The following LMTK2 variants were observed in gnomAD, a reference collection of about 807,000 sequenced individuals.
LMTK2 encodes serine/threonine-protein kinase LMTK2.
In LMTK2, 37 loss-of-function variants were observed where a neutral mutation model predicts 127.5. The ratio of observed to expected loss-of-function variants is 0.29; its 90% confidence interval spans 0.22 to 0.38. The LOEUF (loss-of-function observed/expected upper bound fraction) is 0.38, where lower values mean the gene tolerates loss of function less well. LMTK2 is among the 10% of genes least tolerant of loss of function. The pLI is 1.00. For synonymous variants in LMTK2, 819 were observed against 810.1 expected, an observed-to-expected ratio of 1.01 and a Z score of -0.19; for missense variants, 1,694 against 1,920.3, an observed-to-expected ratio of 0.88 and a Z score of 2.20.
chr7:98,176,092 T>C (rs1797273658), intron 7 of LMTK2, among the ~76,000 whole-genome samples: 1 of 152,196 alleles, frequency 6.6e-6, no homozygotes, highest in Admixed American at 6.5e-5. Flanking sequence ...AATAAAACAA[T>C]TAAGACTTAT....
In LMTK2 at chr7:98,190,859, A is replaced by C; in HGVS notation, c.1130A>C (p.Gln377Pro). Reference sequence around the variant, plus strand: ...AAACTCCCGAAGCCCCAGCTGGAGCAGCCCTACTCTGATAGATGGTTGGTA... The same window carrying C: ...AAACTCCCGAAGCCCCAGCTGGAGCCGCCCTACTCTGATAGATGGTTGGTA... ...DTKLPKPQLE[Q>P]PYSDRWYEVL... The change falls in exon 10 of 14, where the codon CAG becomes CCG. Residue 377 changes from glutamine to proline, a missense_variant. Transcript: ENST00000297293. The C allele has an allele frequency of 6.2e-7, 1 of 1,614,188 alleles. No homozygotes were observed. Among genetic ancestry groups the C allele is most frequent in the East Asian group, 2.2e-5 (1 of 44,878 alleles).
In LMTK2 at chr7:98,171,519, T is replaced by C; in HGVS notation, c.658-22T>C. On this transcript the variant is annotated intron_variant, in intron 6 of 13. Transcript: ENST00000297293. This position sits in a 1 kb window ranked among gnomAD's most constrained non-coding sequence, Gnocchi z 5.1. ...TTATTCCTGTGGCTCGTTTGGAAACTCACACGGGCTGACTTTTGCAGGGTG... is the reference window on the plus strand; with the variant it reads ...TTATTCCTGTGGCTCGTTTGGAAACCCACACGGGCTGACTTTTGCAGGGTG... 6.2e-7 allele frequency: 1 copy of C among 1,613,878 alleles called. No individual in the cohort carries two copies. Among genetic ancestry groups the C allele is most frequent in the Non-Finnish European group, 8.5e-7 (1 of 1,180,044 alleles).
rs984350063 is a variant in LMTK2, at chr7:98,209,549, A to G, written c.*4057A>G. The G allele has an allele frequency of 1.3e-5, 2 of 148,382 alleles. No homozygotes were observed. Among genetic ancestry groups the G allele is most frequent in the African/African-American group, 2.6e-5 (1 of 37,776 alleles). 9.2% of individuals were successfully genotyped at this position (148,382 alleles called of 1,614,324 possible). On this transcript the variant is annotated 3_prime_UTR_variant, in exon 14 of 14. Coordinates refer to ENST00000297293, the MANE Select transcript of LMTK2 (RefSeq NM_014916.4). ...TTAAATTGTAAGATTTTTACTGTAT[A>G]TTGATGCATAGTGTGATTCAATAAA...
intron 2 of LMTK2, among the ~76,000 whole-genome samples, chr7:98,141,069 CAA>C (rs112518899): frequency 3.1e-4 from 32 of 104,384 alleles, no homozygotes; most frequent in African/African-American, 3.9e-4. Context: ...AACCTTGTCT[CAA>C]AAAAAAAAAA....
intron 13 of LMTK2, 136 bp from the exon 14 acceptor site, chr7:98,205,328 A>G (rs1584304601): frequency 2.0e-6 from 2 of 984,624 alleles, no homozygotes; most frequent in South Asian, 1.4e-5. Context: ...AAGGACAGGA[A>G]GGGCGGCTCA....
rs1238096824 is a variant in LMTK2 at position 98,193,668 on chromosome 7, C to T, written c.3203C>T (p.Pro1068Leu). The T allele has an allele frequency of 6.2e-7, 1 of 1,613,788 alleles. No individual in the cohort carries two copies. Among genetic ancestry groups the T allele is most frequent in the Non-Finnish European group, 8.5e-7 (1 of 1,180,028 alleles). The change falls in exon 11 of 14, where the codon CCT becomes CTT. Residue 1068 changes from proline to leucine, a missense_variant. By Grantham distance (98) the Pro-to-Leu change is moderately conservative (BLOSUM62 -3). Coordinates refer to ENST00000297293, the MANE Select transcript of LMTK2 (RefSeq NM_014916.4). The surrounding 1 kb of genome is among the most constrained non-coding windows in gnomAD (Gnocchi z 4.1). Reference sequence around the variant, plus strand: ...GGCGATGGCGGCCACAGCGGTCTGCCTCCCAACCCGGTCATTGTCATCTCA... The same window carrying T: ...GGCGATGGCGGCCACAGCGGTCTGCTTCCCAACCCGGTCATTGTCATCTCA... ...TTGDGGHSGL[P>L]PNPVIVISDA...
At chr7:98,177,584 C>T (rs991372195) in intron 7 of LMTK2, among the ~76,000 whole-genome samples, 2 of 152,192 alleles carry the variant, frequency 1.3e-5, no homozygotes, top group East Asian at 3.9e-4. Flanking sequence ...ACTTGCTTGG[C>T]CTTGACTTCC....
At chr7:98,112,201 TTTTC>T (rs148658142) in intron 1 of LMTK2, among the ~76,000 whole-genome samples, 1,841 of 152,192 alleles carry the variant, frequency 0.012, 42 homozygotes, top group African/African-American at 0.042. Context: ...TCCCTCTCAT[TTTTC>T]TTTTTTTTAA....
chr7:98,193,019 G>T lies in LMTK2; in HGVS notation c.2554G>T (p.Asp852Tyr), dbSNP rs920465391. 57 of 1,614,028 alleles carry T rather than the reference G, an allele frequency of 3.5e-5. No homozygotes were observed. The highest frequency in any genetic ancestry group is 4.7e-5 in the Non-Finnish European group (56 of 1,180,024). Residue 852 changes from aspartate (D) to tyrosine (Y), a missense_variant, in exon 11 of 14, where the codon GAC (aspartate) becomes TAC (tyrosine). Asp to Tyr is a radical substitution (Grantham distance 160). This residue lies in a region of LMTK2 where 527 missense variants were observed against 539.8 expected (regional missense o/e 0.98). Coordinates refer to ENST00000297293, the MANE Select transcript of LMTK2 (RefSeq NM_014916.4). This position sits in a 1 kb window ranked among gnomAD's most constrained non-coding sequence, Gnocchi z 4.1. ...PTCLDVIVPE[D>Y]CLHQDISPDA... is the part of the protein sequence containing the mutation. Reference sequence around the variant, plus strand: ...GTGTTTAGATGTTATTGTCCCGGAGGACTGTCTCCACCAGGACATCAGTCC... The same window carrying T: ...GTGTTTAGATGTTATTGTCCCGGAGTACTGTCTCCACCAGGACATCAGTCC...
At chr7:98,118,053 T>C (rs1796312343) in intron 1 of LMTK2, among the ~76,000 whole-genome samples, 1 of 152,210 alleles carries the variant, frequency 6.6e-6, no homozygotes, top group Non-Finnish European at 1.5e-5. Flanking sequence ...TTTGATCCTC[T>C]GCTTCCTGTA....
chr7:98,173,609 A>T (rs1248351243), intron 7 of LMTK2, among the ~76,000 whole-genome samples: 1 of 152,212 alleles, frequency 6.6e-6, no homozygotes, highest in African/African-American at 2.4e-5. Context: ...TGTATTTTTT[A>T]AATTGGCAAA....
At chr7:98,191,038 G>A (rs1280318593) in intron 10 of LMTK2, among the ~76,000 whole-genome samples, 161 bp downstream of exon 10, 1 of 152,174 alleles carries the variant, frequency 6.6e-6, no homozygotes. Flanking sequence ...AGTGATGAAG[G>A]TGTAGAAATG....
intron 3 of LMTK2, among the ~76,000 whole-genome samples, chr7:98,146,298 G>T (rs1371901083): frequency 6.6e-6 from 1 of 152,002 alleles, no homozygotes; most frequent in Non-Finnish European, 1.5e-5. Context: ...AAATCCTTTT[G>T]CCTATTTGGG....
rs1343309298 is a variant in LMTK2, at chr7:98,208,589, C to T, written c.*3097C>T. The stretch of plus-strand genomic sequence containing the variant: ...TAGTCCTGTTTTGGTGGAGTTTGTA[C>T]ATTTTAAATCCTATAACAAAAATAA... On this transcript the variant is annotated 3_prime_UTR_variant, in exon 14 of 14. Coordinates refer to ENST00000297293, the MANE Select transcript of LMTK2 (RefSeq NM_014916.4). 1 of 152,160 alleles carries T rather than the reference C, an allele frequency of 6.6e-6. No homozygotes were observed. Among genetic ancestry groups the T allele is most frequent in the Non-Finnish European group, 1.5e-5 (1 of 68,042 alleles). The allele number at this position is 152,160 out of a possible 1,614,324, so 9.4% of individuals were successfully genotyped here. A position where few individuals can be genotyped will look rare whatever the true frequency, so the allele number is the denominator to read the frequency against.
chr7:98,205,448 CCT>C lies in LMTK2; in HGVS notation c.4484-10_4484-9del, dbSNP rs759479382. The C allele has an allele frequency of 5.0e-6, 8 of 1,613,638 alleles. No homozygotes were observed. Among genetic ancestry groups the C allele is most frequent in the Middle Eastern group, 1.6e-4 (1 of 6,084 alleles). On this transcript the variant is annotated splice_polypyrimidine_tract_variant and intron_variant, in intron 13 of 13. Transcript: ENST00000297293. Reference sequence around the variant, plus strand: ...AAAACCCAGCTTTGTCGTCTCGCTTCCTCTCTCCTCAACAGGAAGCAGCGAAG... The same window carrying C: ...AAAACCCAGCTTTGTCGTCTCGCTTCCTCTCCTCAACAGGAAGCAGCGAAG...
intron 1 of LMTK2, among the ~76,000 whole-genome samples, chr7:98,111,220 C>G (rs1471247614): frequency 6.6e-6 from 1 of 152,188 alleles, no homozygotes; most frequent in Non-Finnish European, 1.5e-5. Context: ...GCTGAGTGTT[C>G]CTGCAAATTC....
intron 1 of LMTK2, among the ~76,000 whole-genome samples, chr7:98,131,994 C>T (rs543508008): frequency 6.2e-4 from 95 of 152,246 alleles, no homozygotes; most frequent in Non-Finnish European, 1.1e-3. Context: ...AGGTTTGAAA[C>T]AGAAACTATA....
intron 1 of LMTK2, among the ~76,000 whole-genome samples, chr7:98,125,411 AGG>A (rs1796430975): frequency 6.6e-6 from 1 of 152,078 alleles, no homozygotes; most frequent in African/African-American, 2.4e-5. Context: ...CCCTGTGTGC[AGG>A]GACTTTGTTT....
In LMTK2 at chr7:98,191,724, T is replaced by C; in HGVS notation, c.1259T>C (p.Val420Ala). 1 of 1,613,800 alleles carries C rather than the reference T, an allele frequency of 6.2e-7. No individual in the cohort carries two copies. The highest frequency in any genetic ancestry group is 8.5e-7 in the Non-Finnish European group (1 of 1,179,958). The change falls in exon 11 of 14, where the codon GTC becomes GCC. Residue 420 changes from valine to alanine, a missense_variant. Physicochemically the swap from Val to Ala is moderately conservative, Grantham distance 64. Coordinates refer to ENST00000297293, the MANE Select transcript of LMTK2 (RefSeq NM_014916.4). ...LRLQSQRDSE[V>A]DFEQQWNALK... ...CTGCAGAGCCAGCGGGACTCAGAGG[T>C]CGACTTTGAACAGCAGTGGAACGCT...
Sources: gnomAD v4.1 joint callset for allele counts (sites outside exome capture counted in the v4.1 genomes callset) on GRCh38, gnomAD v4.1.1 for gene constraint, gnomAD v4.1.1 regional missense constraint, Gnocchi (gnomAD v3.1) non-coding constraint, MANE v1.5 for transcripts, NCBI Gene and HGNC (gene_info 2026-07-23, HGNC 2026-07-21) for gene names.